LARGE1: variants seen among roughly 807,000 people sequenced by gnomAD.
LARGE1 encodes xylosyl- and glucuronyltransferase LARGE1.
A neutral mutation model predicts 87.6 loss-of-function variants in LARGE1; 43 were observed. The ratio of observed to expected loss-of-function variants is 0.49; its 90% CI spans 0.38 to 0.63. The LOEUF is 0.63. Ranked by LOEUF, LARGE1 falls within the 30% of genes least tolerant of loss-of-function variation. The pLI is 0.00. For synonymous variants in LARGE1, 434 were observed against 394.6 expected (o/e 1.10, Z -1.18); for missense variants, 802 against 1,000.2 (o/e 0.80, Z 2.67).
At chr22:33,546,894 A>G (rs765652130) in intron 6 of LARGE1, among the ~76,000 whole-genome samples, 11 of 152,168 alleles carry the variant, frequency 7.2e-5, no homozygotes, top group Non-Finnish European at 1.2e-4. Context: ...CATCTTATCC[A>G]TTCTTACAAA....
At chr22:33,753,752 G>C (rs967878355) in intron 2 of LARGE1, among the ~76,000 whole-genome samples, 7 of 152,106 alleles carry the variant, frequency 4.6e-5, no homozygotes, top group African/African-American at 7.2e-5. Flanking sequence ...AAGACCAAAG[G>C]CTACGTATAA....
At chr22:33,498,172 AC>A (rs1300212145) in intron 6 of LARGE1, among the ~76,000 whole-genome samples, 1 of 152,258 alleles carries the variant, frequency 6.6e-6, no homozygotes, top group East Asian at 1.9e-4. Context: ...GGTGTGAGCC[AC>A]TGTGTCTGGC....
intron 11 of LARGE1, chr22:33,305,548 A>G (rs1934763565): frequency 1.0e-6 from 1 of 981,438 alleles, no homozygotes; most frequent in Non-Finnish European, 1.2e-6. Flanking sequence ...AGAGGTACGT[A>G]ATCAGCAGTC....
chr22:33,575,521 C>A (rs1160001933), intron 5 of LARGE1, among the ~76,000 whole-genome samples: 45 of 152,182 alleles, frequency 3.0e-4, no homozygotes, highest in Non-Finnish European at 1.2e-4. Flanking sequence ...CCAGCATCAA[C>A]AGGAGAACTG....
the LARGE1 span, among the ~76,000 whole-genome samples, chr22:33,076,289 G>A: frequency 6.6e-6 from 1 of 152,152 alleles, no homozygotes; most frequent in African/African-American, 2.4e-5. Flanking sequence ...ACACACCCAT[G>A]TCACTGGAGA....
chr22:33,683,174 G>A (rs1294300146), intron 2 of LARGE1, among the ~76,000 whole-genome samples: 1 of 152,366 alleles, frequency 6.6e-6, no homozygotes, highest in East Asian at 1.9e-4. Flanking sequence ...GCCTGTGAGA[G>A]TATTTCTGGA....
chr22:33,431,337 T>C (rs1236246934), intron 7 of LARGE1, among the ~76,000 whole-genome samples: 2 of 152,260 alleles, frequency 1.3e-5, no homozygotes, highest in South Asian at 2.1e-4. Context: ...GGTTGATGGA[T>C]GAATGAAGGA....
At chr22:33,460,184 G>T (rs1293851293) in intron 6 of LARGE1, among the ~76,000 whole-genome samples, 1 of 152,182 alleles carries the variant, frequency 6.6e-6, no homozygotes, top group African/African-American at 2.4e-5. Context: ...AGCCTTCCTC[G>T]GTTGTGTCGG....
chr22:33,411,766 G>C (rs542614823), intron 7 of LARGE1, among the ~76,000 whole-genome samples: 2 of 152,030 alleles, frequency 1.3e-5, no homozygotes, highest in East Asian at 3.9e-4. Flanking sequence ...TGGAATAAAC[G>C]AATTATAGCA....
chr22:33,559,289 C>G (rs1414951686), intron 6 of LARGE1, among the ~76,000 whole-genome samples: 1 of 152,198 alleles, frequency 6.6e-6, no homozygotes, highest in Non-Finnish European at 1.5e-5. Flanking sequence ...TCAAGTGATT[C>G]TATTGCCTCA....
At chr22:33,370,330 A>C (rs2064761450) in intron 9 of LARGE1, among the ~76,000 whole-genome samples, 1 of 152,236 alleles carries the variant, frequency 6.6e-6, no homozygotes, top group African/African-American at 2.4e-5. Context: ...TGTGTTACTA[A>C]TTCAAGGCCA....
At chr22:33,533,245 T>C (rs577134372) in intron 6 of LARGE1, among the ~76,000 whole-genome samples, 105 of 152,302 alleles carry the variant, frequency 6.9e-4, no homozygotes, top group Non-Finnish European at 1.2e-3. Context: ...CCTATAAAAA[T>C]TGAATAATTT....
intron 6 of LARGE1, among the ~76,000 whole-genome samples, chr22:33,545,891 C>G (rs1052682382): frequency 2.0e-5 from 3 of 152,164 alleles, no homozygotes; most frequent in African/African-American, 7.2e-5. Context: ...CCCTGGACAC[C>G]CATTTTAACC....
At chr22:33,862,751 T>A (rs1405383949) in intron 1 of LARGE1, among the ~76,000 whole-genome samples, 1 of 152,152 alleles carries the variant, frequency 6.6e-6, no homozygotes, top group Admixed American at 6.5e-5. Context: ...TAAGTTCTTC[T>A]TGTGAGAGCT....
chr22:33,367,756 A>T (rs917986408), intron 9 of LARGE1, among the ~76,000 whole-genome samples: 2 of 152,146 alleles, frequency 1.3e-5, no homozygotes, highest in African/African-American at 4.8e-5. Flanking sequence ...TTAATATATC[A>T]TCTTGAGTTG....
chr22:33,739,272 T>A lies in LARGE1; in HGVS notation c.106+22099A>T, dbSNP rs977014819. Among the ~76,000 whole-genome samples the A allele has an allele frequency of 5.3e-5, 8 of 152,270 alleles. No homozygotes were observed. The East Asian group carries it at 1.5e-3, about 29-fold the overall frequency. The stretch of plus-strand genomic sequence containing the variant: ...AGCCTGGGATGCCTGGCTTTGGGAA[T>A]AGCTCTTTTCCATCCTAATTTCTTG... On this transcript the variant is annotated intron_variant, in intron 2 of 14. Coordinates refer to ENST00000397394, the MANE Select transcript of LARGE1 (RefSeq NM_133642.5).
intron 11 of LARGE1, among the ~76,000 whole-genome samples, chr22:33,259,389 G>C (rs1351759371): frequency 2.7e-5 from 4 of 150,800 alleles, no homozygotes; most frequent in African/African-American, 9.8e-5. Context: ...TACACACACA[G>C]ACACTTAGGA....
the LARGE1 span, among the ~76,000 whole-genome samples, chr22:33,122,498 A>G: frequency 6.6e-6 from 1 of 151,770 alleles, no homozygotes; most frequent in South Asian, 2.1e-4. Context: ...AGCTGGGATT[A>G]CAGGTGCCTA....
chr22:33,205,727 A>G (rs1924640637), intron 11 of LARGE1, among the ~76,000 whole-genome samples: 2 of 152,136 alleles, frequency 1.3e-5, no homozygotes, highest in South Asian at 4.1e-4. Context: ...TCATTGATTT[A>G]GTACTACTCA....
Sources: allele counts gnomAD v4.1 joint callset (sites outside exome capture counted in the v4.1 genomes callset), GRCh38; gene constraint gnomAD v4.1.1; transcripts MANE v1.5; gene names NCBI Gene and HGNC (gene_info 2026-07-23, HGNC 2026-07-21).